The following RGS7 variants were observed in gnomAD, a reference collection of about 807,000 sequenced individuals.
RGS7 encodes regulator of G protein signaling 7.
In RGS7, 27 loss-of-function variants were observed where a neutral mutation model predicts 81.1. The observed-to-expected ratio is 0.33, with a 90% confidence interval of 0.25 to 0.46. RGS7 has a LOEUF of 0.46. Among genes scored for constraint, RGS7 ranks in the 20% least tolerant of loss-of-function variants. The probability of loss-of-function intolerance (pLI) is 1.00; values close to 1 mark genes in which losing one functional copy is unlikely to be tolerated. For synonymous variants in RGS7, 208 were observed against 207.7 expected (o/e 1.00, Z -0.01); for missense variants, 396 against 607.4 (o/e 0.65, Z 3.66).
At chr1:240,982,559 C>T (rs1472854711) in intron 4 of RGS7, among the ~76,000 whole-genome samples, 4 of 151,094 alleles carry the variant, frequency 2.6e-5, no homozygotes, top group African/African-American at 9.8e-5. Flanking sequence ...AGAATAGACA[C>T]AATGTCCAAC....
intron 2 of RGS7, among the ~76,000 whole-genome samples, chr1:241,296,230 G>A (rs1197494317): frequency 6.6e-6 from 1 of 152,016 alleles, no homozygotes; most frequent in Non-Finnish European, 1.5e-5. Flanking sequence ...AGAGAAGATA[G>A]GAGAAGATAC....
intron 2 of RGS7, among the ~76,000 whole-genome samples, chr1:241,228,206 GCGTTCTGTCCA>G (rs1437645541): frequency 2.0e-5 from 3 of 152,192 alleles, no homozygotes; most frequent in Admixed American, 2.0e-4. Flanking sequence ...GGTGAGCCCA[GCGTTCTGTCCA>G]CCCCGGCCAC....
intron 2 of RGS7, among the ~76,000 whole-genome samples, chr1:241,311,562 G>C (rs1039786003): frequency 6.6e-6 from 1 of 152,170 alleles, no homozygotes; most frequent in Non-Finnish European, 1.5e-5. Context: ...GCCAGTAGGA[G>C]GTGTTATGCT....
At chr1:241,341,964 A>T (rs1044983640) in intron 2 of RGS7, among the ~76,000 whole-genome samples, 12 of 134,728 alleles carry the variant, frequency 8.9e-5, no homozygotes, top group Admixed American at 8.0e-4. Flanking sequence ...AACCTCTGCC[A>T]CCCTGGTTCA....
chr1:240,839,586 A>T (rs1489035213), intron 9 of RGS7, among the ~76,000 whole-genome samples: 1 of 152,150 alleles, frequency 6.6e-6, no homozygotes, highest in African/African-American at 2.4e-5. Context: ...AGTTCTAAGA[A>T]AGAGGATGGC....
At chr1:241,097,361 A>C (rs1342684312) in intron 3 of RGS7, among the ~76,000 whole-genome samples, 1 of 152,112 alleles carries the variant, frequency 6.6e-6, no homozygotes, top group Admixed American at 6.5e-5. Context: ...ACATTTTGTT[A>C]GAGCAAAATG....
rs907460877 is a variant in RGS7, at chr1:240,887,291, C to T, written c.386-17172G>A. 5.6e-5 allele frequency among the ~76,000 whole-genome samples: 8 copies of T among 142,712 alleles called. No individual in the cohort carries two copies. In the South Asian group the frequency reaches 1.1e-3, roughly 19 times the overall value. 93.6% of individuals were successfully genotyped at this position (142,712 alleles called of 152,430 possible). On this transcript the variant is annotated intron_variant, in intron 6 of 18. Transcript: ENST00000440928. Reference sequence around the variant, plus strand: ...TTGCCCAGGCCGGAGTGCAGTGGCGCGATCTTGGCTCACTGCAAGCTCTGC... The same window carrying T: ...TTGCCCAGGCCGGAGTGCAGTGGCGTGATCTTGGCTCACTGCAAGCTCTGC...
At chr1:241,226,656 C>T (rs2075326541) in intron 2 of RGS7, among the ~76,000 whole-genome samples, 1 of 152,182 alleles carries the variant, frequency 6.6e-6, no homozygotes, top group East Asian at 1.9e-4. Flanking sequence ...AGAAATAGTA[C>T]TAGGAATTTA....
At chr1:241,149,893 A>C (rs2068625269) in intron 2 of RGS7, among the ~76,000 whole-genome samples, 1 of 152,132 alleles carries the variant, frequency 6.6e-6, no homozygotes, top group African/African-American at 2.4e-5. Context: ...CTCCTGCCTC[A>C]GCCTCCCGAG....
At chr1:241,331,317 T>C (rs1180366476) in intron 2 of RGS7, among the ~76,000 whole-genome samples, 2 of 152,184 alleles carry the variant, frequency 1.3e-5, no homozygotes, top group African/African-American at 4.8e-5. Flanking sequence ...TAAAGTATTA[T>C]AATATAATGA....
intron 4 of RGS7, among the ~76,000 whole-genome samples, chr1:240,975,596 C>T (rs189932163): frequency 3.9e-5 from 6 of 152,184 alleles, no homozygotes; most frequent in Admixed American, 3.3e-4. Context: ...CAGCAAGGGG[C>T]ACAAATGAGC....
rs1670286052 is a variant in RGS7 at position 240,903,181 on chromosome 1, G to A, written c.385+27536C>T. Among the ~76,000 whole-genome samples the A allele has an allele frequency of 3.3e-5, 5 of 152,232 alleles. No individual in the cohort carries two copies. The South Asian group carries it at 1.0e-3, about 32-fold the overall frequency. On this transcript the variant is annotated intron_variant, in intron 6 of 18. Transcript: ENST00000440928. ...AAGAATCAGCTGTCAAAAAGAAGAG[G>A]AAACAAATATATCAAAGTAGGCCAG... is the stretch of plus-strand genomic sequence containing the variant.
chr1:240,943,128 T>C (rs1171137788), intron 4 of RGS7, among the ~76,000 whole-genome samples: 3 of 152,134 alleles, frequency 2.0e-5, no homozygotes, highest in Non-Finnish European at 4.4e-5. Flanking sequence ...GAGATTCTAT[T>C]TGGGAGAAAT....
chr1:241,220,950 C>CAAGGAAGG (rs751386119), intron 2 of RGS7, among the ~76,000 whole-genome samples: 6 of 54,318 alleles, frequency 1.1e-4, no homozygotes, highest in Non-Finnish European at 1.1e-4. Context: ...AAGGAAGAAG[C>CAAGGAAGG]AAGGAAGGAA....
chr1:241,071,050 T>C (rs996555462), intron 3 of RGS7, among the ~76,000 whole-genome samples: 7 of 152,234 alleles, frequency 4.6e-5, no homozygotes, highest in African/African-American at 1.2e-4. Flanking sequence ...GCATTTTCTA[T>C]AAAAACCTAG....
At chr1:240,940,774 A>G (rs1265712740) in intron 4 of RGS7, among the ~76,000 whole-genome samples, 1 of 147,644 alleles carries the variant, frequency 6.8e-6, no homozygotes, top group Non-Finnish European at 1.5e-5. Flanking sequence ...ATAGAGTGAA[A>G]GTAAATATAG....
intron 13 of RGS7, among the ~76,000 whole-genome samples, chr1:240,813,406 C>CAATGCAAATCTTAATGCA (rs57668815): frequency 6.6e-6 from 1 of 151,476 alleles, no homozygotes; most frequent in African/African-American, 2.4e-5. Flanking sequence ...GTCTTTCCAG[C>CAATGCAAATCTTAATGCA]AATGCAAATC....
intron 3 of RGS7, among the ~76,000 whole-genome samples, chr1:241,060,035 C>T (rs1457025812): frequency 6.6e-6 from 1 of 152,156 alleles, no homozygotes; most frequent in East Asian, 1.9e-4. Context: ...TCTCCCACTC[C>T]ACAGGCACCT....
intron 3 of RGS7, among the ~76,000 whole-genome samples, chr1:240,989,598 G>A (rs767063874): frequency 3.3e-5 from 5 of 151,974 alleles, no homozygotes; most frequent in East Asian, 1.9e-4. Flanking sequence ...CATGGTTCCC[G>A]ATGGCGTGCA....
Sources: allele counts gnomAD v4.1 joint callset (sites outside exome capture counted in the v4.1 genomes callset), GRCh38; gene constraint gnomAD v4.1.1; transcripts MANE v1.5; gene names NCBI Gene and HGNC (gene_info 2026-07-23, HGNC 2026-07-21).